ULK4: variants seen among roughly 807,000 people sequenced by gnomAD.
The protein encoded by ULK4 is unc-51 like kinase 4.
A neutral mutation model predicts 160.6 loss-of-function variants in ULK4; 133 were observed. The ratio of observed to expected loss-of-function variants is 0.83; its 90% CI spans 0.72 to 0.96. ULK4 has a LOEUF of 0.96. Ranked by LOEUF, ULK4 falls within the 40% of genes least tolerant of loss-of-function variation. The pLI, the probability that ULK4 is intolerant of heterozygous loss-of-function variation, is 0.00. For synonymous variants in ULK4, 534 were observed against 539.8 expected (o/e 0.99, Z 0.15); for missense variants, 1,580 against 1,499.5 (o/e 1.05, Z -0.89).
intron 32 of ULK4, among the ~76,000 whole-genome samples, chr3:41,526,002 A>G (rs1271164867): frequency 6.6e-6 from 1 of 152,120 alleles, no homozygotes; most frequent in Non-Finnish European, 1.5e-5. Flanking sequence ...TGTGGCTCTC[A>G]TCTTGGTGAT....
intron 31 of ULK4, among the ~76,000 whole-genome samples, chr3:41,568,771 G>T (rs943212748): frequency 6.6e-6 from 1 of 152,278 alleles, no homozygotes; most frequent in Middle Eastern, 3.4e-3. Context: ...GACACAAGCT[G>T]AGCGTTCTCT....
At chr3:41,397,677 A>G (rs540684533) in intron 35 of ULK4, among the ~76,000 whole-genome samples, 2 of 152,164 alleles carry the variant, frequency 1.3e-5, no homozygotes, top group Non-Finnish European at 2.9e-5. Context: ...CCTACACCAG[A>G]AAAAAGGCTA....
chr3:41,957,313 G>A (rs538018823), intron 1 of ULK4, among the ~76,000 whole-genome samples: 1 of 151,948 alleles, frequency 6.6e-6, no homozygotes, highest in African/African-American at 2.4e-5. Context: ...AATTAGCCAG[G>A]CATGGTGGCA....
At chr3:41,541,899 A>G (rs2086708244) in intron 32 of ULK4, among the ~76,000 whole-genome samples, 1 of 152,232 alleles carries the variant, frequency 6.6e-6, no homozygotes, top group South Asian at 2.1e-4. Context: ...GTTGCTTATC[A>G]GCTTAACTAG....
At chr3:41,643,018 G>T (rs540023643) in intron 30 of ULK4, among the ~76,000 whole-genome samples, 2 of 151,986 alleles carry the variant, frequency 1.3e-5, no homozygotes, top group East Asian at 1.9e-4. Flanking sequence ...CATATCCTTC[G>T]CCCAGTTTTT....
intron 31 of ULK4, among the ~76,000 whole-genome samples, chr3:41,609,461 AAAAG>A (rs1434837438): frequency 6.6e-6 from 1 of 152,164 alleles, no homozygotes; most frequent in Non-Finnish European, 1.5e-5. Context: ...TTTCATTCCC[AAAAG>A]AAACACCTCA....
At chr3:41,450,549 ACCT>A (rs2083402789) in intron 34 of ULK4, among the ~76,000 whole-genome samples, 2 of 152,152 alleles carry the variant, frequency 1.3e-5, no homozygotes, top group Non-Finnish European at 2.9e-5. Context: ...TCTGGAAAAA[ACCT>A]CAAAAGCTAA....
At chr3:41,401,120 G>T (rs561591914) in intron 34 of ULK4, among the ~76,000 whole-genome samples, 1 of 151,880 alleles carries the variant, frequency 6.6e-6, no homozygotes, top group South Asian at 2.1e-4. Flanking sequence ...CTTTTGAAGA[G>T]AAAAAAAAGT....
chr3:41,519,624 AG>A (rs1242039854), intron 32 of ULK4, among the ~76,000 whole-genome samples: 1 of 152,202 alleles, frequency 6.6e-6, no homozygotes, highest in Non-Finnish European at 1.5e-5. Flanking sequence ...AGGAGAATCA[AG>A]GTCAATTAAT....
intron 29 of ULK4, among the ~76,000 whole-genome samples, chr3:41,666,384 G>A (rs1482454770): frequency 6.6e-6 from 1 of 152,194 alleles, no homozygotes; most frequent in Non-Finnish European, 1.5e-5. Context: ...TGGCAGTCAA[G>A]GACCAGTTTC....
At chr3:41,593,461 T>G (rs1292235874) in intron 31 of ULK4, among the ~76,000 whole-genome samples, 1 of 152,116 alleles carries the variant, frequency 6.6e-6, no homozygotes, top group Non-Finnish European at 1.5e-5. Context: ...CTGAACCATG[T>G]TGCAGGGGAA....
Position 41,374,011 on chromosome 3 carries a change from C to T in ULK4, c.3678+24068G>A, listed in dbSNP as rs182994402. Among the ~76,000 whole-genome samples the T allele has an allele frequency of 8.5e-4, 129 of 152,344 alleles. 1 individual carries two copies. The highest frequency in any genetic ancestry group is 1.4e-3 in the Non-Finnish European group (97 of 68,032). Reference sequence around the variant, plus strand: ...CCATCAGAGAATACTATAAACACCTCTACGCAAATAAACTAGACAATCTAG... The same window carrying T: ...CCATCAGAGAATACTATAAACACCTTTACGCAAATAAACTAGACAATCTAG... On this transcript the variant is annotated intron_variant, in intron 35 of 36. Transcript: ENST00000301831.
At chr3:41,871,872 T>C (rs1697107323) in intron 17 of ULK4, among the ~76,000 whole-genome samples, 1 of 152,222 alleles carries the variant, frequency 6.6e-6, no homozygotes, top group African/African-American at 2.4e-5. Flanking sequence ...CTTTTATAGA[T>C]GATGCTCTTG....
chr3:41,587,455 A>G (rs1262669371), intron 31 of ULK4, among the ~76,000 whole-genome samples: 2 of 152,340 alleles, frequency 1.3e-5, no homozygotes, highest in Middle Eastern at 3.4e-3. Flanking sequence ...CCTGGGTGAC[A>G]TATTAGAATT....
chr3:41,862,849 G>C (rs1265904538), intron 17 of ULK4, among the ~76,000 whole-genome samples: 1 of 148,998 alleles, frequency 6.7e-6, no homozygotes, highest in African/African-American at 2.5e-5. Flanking sequence ...CTAAAGACTT[G>C]GGGTGGAGTG....
intron 30 of ULK4, among the ~76,000 whole-genome samples, chr3:41,637,416 T>C (rs1053225328): frequency 6.6e-6 from 1 of 152,228 alleles, no homozygotes; most frequent in African/African-American, 2.4e-5. Context: ...TGTGTATATC[T>C]ACCACATTTT....
At chr3:41,592,404 G>A (rs1213642977) in intron 31 of ULK4, among the ~76,000 whole-genome samples, 1 of 152,088 alleles carries the variant, frequency 6.6e-6, no homozygotes, top group African/African-American at 2.4e-5. Flanking sequence ...CTGGGAAAAG[G>A]CCACAGGGAG....
chr3:41,835,633 C>T (rs1282945256), intron 18 of ULK4, among the ~76,000 whole-genome samples: 1 of 152,116 alleles, frequency 6.6e-6, no homozygotes, highest in Non-Finnish European at 1.5e-5. Context: ...AAACCACCTA[C>T]ATTCTAAAGG....
intron 22 of ULK4, among the ~76,000 whole-genome samples, chr3:41,748,510 A>T (rs1013621212): frequency 6.6e-6 from 1 of 152,122 alleles, no homozygotes; most frequent in African/African-American, 2.4e-5. Flanking sequence ...TCATACCACA[A>T]ACTTGATACA....
Sources: allele counts gnomAD v4.1 joint callset (sites outside exome capture counted in the v4.1 genomes callset), GRCh38; gene constraint gnomAD v4.1.1; transcripts MANE v1.5; gene names NCBI Gene and HGNC (gene_info 2026-07-23, HGNC 2026-07-21).